EPB41L4A: variants seen among roughly 807,000 people sequenced by gnomAD.
The protein encoded by EPB41L4A is erythrocyte membrane protein band 4.1 like 4A, also known as band 4.1-like protein 4A.
In EPB41L4A, 100 loss-of-function variants were observed where a neutral mutation model predicts 108.6. That is an observed-to-expected ratio of 0.92 (90% confidence interval 0.78 to 1.09). The LOEUF is 1.09. Ranked by LOEUF, EPB41L4A falls within the 50% of genes least tolerant of loss-of-function variation. The pLI, the probability that EPB41L4A is intolerant of heterozygous loss-of-function variation, is 0.00. For missense variants in EPB41L4A, 1,030 were observed against 842.7 expected, an observed-to-expected ratio of 1.22 and a Z score of -2.75; for synonymous variants, 319 against 289.0, an observed-to-expected ratio of 1.10 and a Z score of -1.05.
intron 1 of EPB41L4A, among the ~76,000 whole-genome samples, chr5:112,397,542 T>A (rs1450084710): frequency 1.3e-5 from 2 of 152,032 alleles, no homozygotes; most frequent in Non-Finnish European, 2.9e-5. Flanking sequence ...TATAATAAAG[T>A]AGTAATTCTG....
chr5:112,171,072 G>A (rs1760553070), intron 18 of EPB41L4A, 80 bp from the exon 19 acceptor site: 2 of 1,269,802 alleles, frequency 1.6e-6, no homozygotes, highest in African/African-American at 3.0e-5. Flanking sequence ...ATAGTTTTCA[G>A]ACTGTGAAGT....
Position 112,307,452 on chromosome 5 carries a change from G to C in EPB41L4A, c.138C>G (p.Phe46Leu). Residue 46 changes from phenylalanine (F) to leucine (L), a missense_variant, in exon 2 of 23, where the codon TTC becomes TTG. By Grantham distance (22) the Phe-to-Leu change is conservative. Coordinates refer to ENST00000261486, the MANE Select transcript of EPB41L4A (RefSeq NM_022140.5). ...TKGSVVLDHVFHHVNLVEIDY... is the reference protein window; with the variant it reads ...TKGSVVLDHVLHHVNLVEIDY... ...CTATCTCCACAAGGTTTACGTGATG[G>C]AATACGTGGTCAAGGACAACGGAAC... is the stretch of plus-strand genomic sequence containing the variant. 1 of 1,613,180 alleles carries C rather than the reference G, an allele frequency of 6.2e-7. No individual in the cohort carries two copies. The highest frequency in any genetic ancestry group is 1.1e-5 in the South Asian group (1 of 91,038).
At chr5:112,408,984 A>T (rs1042417557) in intron 1 of EPB41L4A, among the ~76,000 whole-genome samples, 3 of 152,136 alleles carry the variant, frequency 2.0e-5, no homozygotes, top group Non-Finnish European at 1.5e-5. Flanking sequence ...TAATTAAAGC[A>T]TTATTAAATT....
At chr5:112,380,127 C>T (rs1760069812) in intron 1 of EPB41L4A, among the ~76,000 whole-genome samples, 1 of 152,114 alleles carries the variant, frequency 6.6e-6, no homozygotes, top group Admixed American at 6.5e-5. Flanking sequence ...TCCCAGAGAA[C>T]AGCTGCAGGA....
chr5:112,309,391 A>G (rs1458999237), intron 1 of EPB41L4A, among the ~76,000 whole-genome samples: 1 of 152,188 alleles, frequency 6.6e-6, no homozygotes, highest in East Asian at 1.9e-4. Context: ...CAGCTACCCA[A>G]TTGAATAAAC....
At chr5:112,179,455 G>C (rs1761037464) in intron 18 of EPB41L4A, among the ~76,000 whole-genome samples, 1 of 152,006 alleles carries the variant, frequency 6.6e-6, no homozygotes, top group Non-Finnish European at 1.5e-5. Context: ...ATAGAATCCA[G>C]CTACATACAA....
At chr5:112,255,641 C>A (rs1751031670) in intron 9 of EPB41L4A, among the ~76,000 whole-genome samples, 1 of 152,170 alleles carries the variant, frequency 6.6e-6, no homozygotes, top group Admixed American at 6.6e-5. Context: ...TCTTTTCAGC[C>A]TCCTTTGCTG....
chr5:112,151,881 C>A (rs959470185), intron 12 of EPB41L4A, among the ~76,000 whole-genome samples: 5 of 152,102 alleles, frequency 3.3e-5, no homozygotes, highest in African/African-American at 1.2e-4. Flanking sequence ...CAGGCACATG[C>A]CACCACGCCT....
At chr5:112,204,618 T>C (rs1256602536) in intron 14 of EPB41L4A, 130 bp from the exon 15 acceptor site, 1 of 530,462 alleles carries the variant, frequency 1.9e-6, no homozygotes, top group Non-Finnish European at 3.4e-6. Context: ...CACGTGGTTC[T>C]CTTTGCTGAC....
intron 12 of EPB41L4A, among the ~76,000 whole-genome samples, chr5:112,231,613 G>C (rs1048925213): frequency 6.7e-6 from 1 of 150,358 alleles, no homozygotes; most frequent in Non-Finnish European, 1.5e-5. Context: ...GTGAAACCCC[G>C]TCTCTACTAA....
Position 112,405,722 on chromosome 5 carries a change from C to T in EPB41L4A, c.99+13219G>A, listed in dbSNP as rs143515922. Among the ~76,000 whole-genome samples the T allele has an allele frequency of 7.2e-4, 109 of 152,312 alleles. 1 individual carries two copies. Among genetic ancestry groups the T allele is most frequent in the African/African-American group, 2.5e-3 (106 of 41,580 alleles). On this transcript the variant is annotated intron_variant, in intron 1 of 22. Coordinates refer to ENST00000261486, the MANE Select transcript of EPB41L4A (RefSeq NM_022140.5). ...TTTCTAAAATACCTTTCCTGATTAA[C>T]TTCACCTTGGCACATAAGAAACAAT... is the stretch of plus-strand genomic sequence containing the variant.
At chr5:112,413,517 G>C (rs545714188) in intron 1 of EPB41L4A, among the ~76,000 whole-genome samples, 2 of 152,290 alleles carry the variant, frequency 1.3e-5, no homozygotes, top group East Asian at 3.9e-4. Flanking sequence ...GAAGTATACA[G>C]CTCTGACTCC....
At chr5:112,256,324 C>T (rs12520889) in intron 9 of EPB41L4A, among the ~76,000 whole-genome samples, 45,402 of 152,038 alleles carry the variant, frequency 0.3, 6,886 homozygotes, top group African/African-American at 0.33. Flanking sequence ...ATGCCTTATA[C>T]TGCTATAACA....
intron 12 of EPB41L4A, among the ~76,000 whole-genome samples, chr5:112,233,238 T>C (rs1197165483): frequency 6.6e-6 from 1 of 152,104 alleles, no homozygotes; most frequent in African/African-American, 2.4e-5. Flanking sequence ...CAAAATAAAC[T>C]AATTTGTTCA....
chr5:112,386,815 C>T (rs1057513053), intron 1 of EPB41L4A, among the ~76,000 whole-genome samples: 3 of 152,122 alleles, frequency 2.0e-5, no homozygotes, highest in Admixed American at 6.5e-5. Context: ...AAAGGCACAA[C>T]GGGAATAGAA....
At position 112,164,106 on chromosome 5, in the gene EPB41L4A, G is replaced by A. The variant is rs1760082957; in HGVS notation, c.*884C>T. 1 of 152,130 alleles carries A rather than the reference G, an allele frequency of 6.6e-6. No homozygotes were observed. Among genetic ancestry groups the A allele is most frequent in the Non-Finnish European group, 1.5e-5 (1 of 68,036 alleles). The allele number at this position is 152,130 out of a possible 1,614,324, so 9.4% of individuals were successfully genotyped here. A position where few individuals can be genotyped will look rare whatever the true frequency, so the allele number is the denominator to read the frequency against. ...GGTGGATGGATCATTTGAGGTTTGG[G>A]GTGACAGATCAACTGAGATCCACTT... On this transcript the variant is annotated 3_prime_UTR_variant, in exon 23 of 23. Coordinates refer to ENST00000261486, the MANE Select transcript of EPB41L4A (RefSeq NM_022140.5).
At position 112,153,704 on chromosome 5, in the gene EPB41L4A, G is replaced by T. The variant is rs1759553799; in HGVS notation, n.994+4697C>A. Among the ~76,000 whole-genome samples, 3 of 151,182 alleles carry T rather than the reference G, an allele frequency of 2.0e-5. No homozygotes were observed. In the South Asian group the frequency reaches 6.2e-4, roughly 31 times the overall value. On this transcript the variant is annotated intron_variant and non_coding_transcript_variant, in intron 12 of 13. Transcript: ENST00000507810. ...ATCAAGCAGATTACAAATCAGTAAG[G>T]ATATAGAAGATTGGAATAATATGGT...
Position 112,195,689 on chromosome 5 carries a change from C to CA in EPB41L4A, c.1395dup (p.Glu466Ter). On this transcript the variant is annotated frameshift_variant, in exon 16 of 23. Coordinates refer to ENST00000261486, the MANE Select transcript of EPB41L4A (RefSeq NM_022140.5). LOFTEE classifies it high-confidence loss of function. ...CTCCTTTGCTTAAGATCTGAATCTTCACCACTGTTATGGGCTTTCCTGTGA... is the reference window on the plus strand; with the variant it reads ...CTCCTTTGCTTAAGATCTGAATCTTCAACCACTGTTATGGGCTTTCCTGTGA... 4 of 1,613,770 alleles carry CA rather than the reference C, an allele frequency of 2.5e-6. No individual in the cohort carries two copies. The highest frequency in any genetic ancestry group is 2.5e-6 in the Non-Finnish European group (3 of 1,179,836).
At chr5:112,169,978 T>C (rs904111235) in intron 20 of EPB41L4A, 4 of 301,038 alleles carry the variant, frequency 1.3e-5, no homozygotes, top group African/African-American at 9.1e-5. Context: ...GTCAACATAA[T>C]TCTCTTGGTG....
Sources: allele counts gnomAD v4.1 joint callset (sites outside exome capture counted in the v4.1 genomes callset), GRCh38; gene constraint gnomAD v4.1.1; transcripts MANE v1.5; gene names NCBI Gene and HGNC (gene_info 2026-07-23, HGNC 2026-07-21).